Variants in DRGX observed in about 807,000 individuals in gnomAD.
DRGX encodes the protein dorsal root ganglia homeobox, also known as dorsal root ganglia homeobox protein.
In DRGX, 21 loss-of-function variants were observed where a neutral mutation model predicts 28.6. That is an observed-to-expected ratio of 0.73 (90% CI 0.52 to 1.06). The LOEUF is 1.06. DRGX is among the 50% of genes least tolerant of loss of function. The pLI, the probability that DRGX is intolerant of heterozygous loss-of-function variation, is 0.00. For missense variants in DRGX, 354 were observed against 343.9 expected (o/e 1.03, Z -0.23); for synonymous variants, 136 against 139.1 (o/e 0.98, Z 0.16).
rs1849601194 is a variant in DRGX, at chr10:49,366,372, A to G, written c.536T>C (p.Leu179Pro). 1 of 1,601,484 alleles carries G rather than the reference A, an allele frequency of 6.2e-7. No homozygotes were observed. Among genetic ancestry groups the G allele is most frequent in the Non-Finnish European group, 8.5e-7 (1 of 1,170,836 alleles). The part of the protein sequence containing the change: ...SHVASLKGGP[L>P]CSCCVPDPMG... ...GGGGTCTGGGACGCAGCAAGAGCAC[A>G]GTGGGCCCCCTGGAAAAGGAAAAAC... Residue 179 changes from leucine (L) to proline (P), a missense_variant, in exon 7 of 7, where the codon CTG (leucine) becomes CCG (proline). By Grantham distance (98) the Leu-to-Pro change is moderately conservative. Coordinates refer to ENST00000374139, the MANE Select transcript of DRGX (RefSeq NM_001276451.2).
At chr10:49,372,089 C>A (rs1849665223) in intron 6 of DRGX, among the ~76,000 whole-genome samples, 1 of 152,266 alleles carries the variant, frequency 6.6e-6, no homozygotes, top group Non-Finnish European at 1.5e-5. Context: ...CCCAGGATGG[C>A]CCAAAGCCAT....
chr10:49,384,317 C>T (rs1471010344), intron 6 of DRGX, among the ~76,000 whole-genome samples: 5 of 152,212 alleles, frequency 3.3e-5, no homozygotes, highest in African/African-American at 1.2e-4. Context: ...TGTCGCCGAC[C>T]TCAAGGGCCC....
intron 4 of DRGX, among the ~76,000 whole-genome samples, chr10:49,389,421 A>G (rs963449065): frequency 6.6e-6 from 1 of 152,216 alleles, no homozygotes; most frequent in Non-Finnish European, 1.5e-5. Context: ...AATAAAATGA[A>G]TATATAATTG....
At chr10:49,394,571 G>A (rs1236725995) in intron 2 of DRGX, among the ~76,000 whole-genome samples, 1 of 152,204 alleles carries the variant, frequency 6.6e-6, no homozygotes, top group East Asian at 1.9e-4. Flanking sequence ...CTCACCTGAT[G>A]GCTACTAATT....
intron 2 of DRGX, 68 bp from the exon 3 acceptor site, chr10:49,391,329 G>C: frequency 2.3e-6 from 3 of 1,320,742 alleles, no homozygotes; most frequent in Non-Finnish European, 3.2e-6. Flanking sequence ...CCCAGACACA[G>C]TTCAGAGGGC....
chr10:49,372,413 GC>G (rs1564704964), intron 6 of DRGX, among the ~76,000 whole-genome samples: 3 of 152,124 alleles, frequency 2.0e-5, no homozygotes, highest in Admixed American at 2.0e-4. Context: ...AAGAAGTCTG[GC>G]CCCTGACCCC....
chr10:49,382,569 T>A, intron 6 of DRGX, among the ~76,000 whole-genome samples: 1 of 152,140 alleles, frequency 6.6e-6, no homozygotes, highest in African/African-American at 2.4e-5. Context: ...AGGCCTAGAT[T>A]GGGCTGTGTG....
intron 6 of DRGX, among the ~76,000 whole-genome samples, chr10:49,370,286 T>G (rs1324169043): frequency 7.9e-5 from 12 of 152,092 alleles, no homozygotes; most frequent in Non-Finnish European, 1.8e-4. Context: ...GCACCTGTAG[T>G]CCCAGCTACT....
chr10:49,367,696 G>A (rs2132467929), intron 6 of DRGX, among the ~76,000 whole-genome samples: 1 of 152,322 alleles, frequency 6.6e-6, no homozygotes, highest in East Asian at 1.9e-4. Flanking sequence ...TTTCTGAAGT[G>A]GTCCCAGCCG....
At chr10:49,380,383 A>G (rs1391401751) in intron 6 of DRGX, among the ~76,000 whole-genome samples, 1 of 152,106 alleles carries the variant, frequency 6.6e-6, no homozygotes, top group African/African-American at 2.4e-5. Flanking sequence ...AACAAACCCA[A>G]GCGCCTCCCT....
chr10:49,378,471 C>T (rs1849739640), intron 6 of DRGX, among the ~76,000 whole-genome samples: 1 of 152,118 alleles, frequency 6.6e-6, no homozygotes. Context: ...TGAAAATGTT[C>T]TAAAATTTAT....
chr10:49,380,539 T>A (rs946319568), intron 6 of DRGX, among the ~76,000 whole-genome samples: 1 of 152,164 alleles, frequency 6.6e-6, no homozygotes, highest in Non-Finnish European at 1.5e-5. Context: ...AGGAGTAGGG[T>A]TCCTGCTCTC....
At chr10:49,384,990 T>A (rs930715515) in intron 6 of DRGX, among the ~76,000 whole-genome samples, 1 of 152,106 alleles carries the variant, frequency 6.6e-6, no homozygotes, top group African/African-American at 2.4e-5. Flanking sequence ...TGGGTAGACA[T>A]AGGATTGATT....
chr10:49,393,972 A>T (rs994212914), intron 2 of DRGX, among the ~76,000 whole-genome samples: 1 of 152,068 alleles, frequency 6.6e-6, no homozygotes, highest in South Asian at 2.1e-4. Flanking sequence ...TGCCTTACCC[A>T]CTTTGACCAG....
rs1849840688 is a variant in DRGX at position 49,386,600 on chromosome 10, G to T, written c.414-10C>A. On this transcript the variant is annotated splice_polypyrimidine_tract_variant and intron_variant, in intron 5 of 6. Transcript: ENST00000374139. ...TACCGTTCGCCCCAGGCTGGCAAAG[G>T]AAGGAGATCATATTGAGGTCTCGCC... The T allele has an allele frequency of 6.3e-7, 1 of 1,595,654 alleles. No individual in the cohort carries two copies. The highest frequency in any genetic ancestry group is 8.5e-7 in the Non-Finnish European group (1 of 1,171,182).
chr10:49,391,061 T>C (rs1016405541), intron 3 of DRGX, 103 bp downstream of exon 3: 64 of 1,251,386 alleles, frequency 5.1e-5, no homozygotes, highest in Non-Finnish European at 7.3e-5. Flanking sequence ...TCAGTTAGCA[T>C]AATCAATTGG....
At chr10:49,386,623 G>A (rs760263343) in intron 5 of DRGX, 33 bp from the exon 6 acceptor site, 39 of 1,591,836 alleles carry the variant, frequency 2.4e-5, no homozygotes, top group Admixed American at 7.0e-5. Flanking sequence ...TTGAGGTCTC[G>A]CCCTGTGTCT....
intron 2 of DRGX, chr10:49,391,690 C>G (rs1849907152): frequency 4.4e-6 from 2 of 451,640 alleles, no homozygotes; most frequent in Non-Finnish European, 8.9e-6. Context: ...AGTTTACTTT[C>G]CCTTGTTTCT....
chr10:49,392,591 T>A (rs1338360129), intron 2 of DRGX, among the ~76,000 whole-genome samples: 1 of 152,250 alleles, frequency 6.6e-6, no homozygotes, highest in African/African-American at 2.4e-5. Context: ...ACACAATCTC[T>A]GAGGATCTCC....
Sources: gnomAD v4.1 joint callset for allele counts (sites outside exome capture counted in the v4.1 genomes callset) on GRCh38, gnomAD v4.1.1 for gene constraint, MANE v1.5 for transcripts, NCBI Gene and HGNC (gene_info 2026-07-23, HGNC 2026-07-21) for gene names.